The following NRXN1 variants were observed in gnomAD, a reference collection of about 807,000 sequenced individuals.
NRXN1 encodes neurexin-1.
NRXN1 carries 39 observed loss-of-function variants against 150.9 expected under a neutral mutation model. That is an observed-to-expected ratio of 0.26 (90% CI 0.20 to 0.34). The LOEUF (loss-of-function observed/expected upper bound fraction) is 0.34, where lower values mean the gene tolerates loss of function less well. Among genes scored for constraint, NRXN1 ranks in the 10% least tolerant of loss-of-function variants. The pLI, the probability that NRXN1 is intolerant of heterozygous loss-of-function variation, is 1.00. For missense variants in NRXN1, 1,815 were observed against 1,949.9 expected, an observed-to-expected ratio of 0.93 and a Z score of 1.30; for synonymous variants, 924 against 757.0, an observed-to-expected ratio of 1.22 and a Z score of -3.62.
intron 2 of NRXN1, among the ~76,000 whole-genome samples, chr2:50,959,715 CTTTAA>C (rs1692846824): frequency 6.6e-6 from 1 of 152,012 alleles, no homozygotes; most frequent in African/African-American, 2.4e-5. Context: ...GAATTGTACA[CTTTAA>C]TTTTATGGCA....
chr2:50,310,064 G>A (rs909496713), intron 17 of NRXN1, among the ~76,000 whole-genome samples: 4 of 152,152 alleles, frequency 2.6e-5, no homozygotes, highest in Non-Finnish European at 4.4e-5. Flanking sequence ...AAAACGACAT[G>A]CCTCTGGCTT....
intron 5 of NRXN1, chr2:50,656,530 C>T (rs1005791390): frequency 6.8e-6 from 4 of 588,786 alleles, no homozygotes; most frequent in Non-Finnish European, 1.2e-5. Flanking sequence ...AATTTATCCC[C>T]TAAATAATAT....
At chr2:50,466,458 T>G (rs1316020155) in intron 16 of NRXN1, 2 of 474,634 alleles carry the variant, frequency 4.2e-6, no homozygotes, top group Admixed American at 4.6e-5. Context: ...CAGGGCTATC[T>G]ACCTTGCAAG....
At chr2:50,195,613 G>C (rs866981830) in intron 18 of NRXN1, among the ~76,000 whole-genome samples, 2 of 152,004 alleles carry the variant, frequency 1.3e-5, no homozygotes, top group African/African-American at 4.8e-5. Context: ...TTCTCCACTG[G>C]CATTGCTTTT....
intron 2 of NRXN1, among the ~76,000 whole-genome samples, chr2:50,931,132 T>C (rs1025556925): frequency 2.0e-5 from 3 of 152,158 alleles, no homozygotes; most frequent in Non-Finnish European, 4.4e-5. Flanking sequence ...TTTGCTATCA[T>C]TAAGATGAAA....
chr2:50,078,651 C>A (rs1403036548), intron 19 of NRXN1, among the ~76,000 whole-genome samples: 5 of 152,002 alleles, frequency 3.3e-5, no homozygotes, highest in African/African-American at 1.2e-4. Flanking sequence ...GTAGTTAACA[C>A]TTTTGAAGAA....
chr2:49,949,827 G>A (rs1421594), intron 21 of NRXN1, among the ~76,000 whole-genome samples: 62,171 of 151,392 alleles, frequency 0.41, 13,155 homozygotes, highest in South Asian at 0.52. Flanking sequence ...GGACAGTGCT[G>A]GCTGAAATAT....
intron 16 of NRXN1, among the ~76,000 whole-genome samples, chr2:50,469,194 TG>T (rs1333229139): frequency 6.6e-6 from 1 of 151,600 alleles, no homozygotes; most frequent in Admixed American, 6.6e-5. Flanking sequence ...TCTAGTGATT[TG>T]GGTTTTAATG....
intron 18 of NRXN1, among the ~76,000 whole-genome samples, chr2:50,231,983 G>T (rs952366390): frequency 6.6e-6 from 1 of 152,096 alleles, no homozygotes; most frequent in Non-Finnish European, 1.5e-5. Flanking sequence ...ACACTTCACA[G>T]TTTGCAAGTT....
In NRXN1 at chr2:51,026,470, C is replaced by T. The variant is rs771759988; in HGVS notation, c.772+1032G>A. 22 of 1,589,566 alleles carry T rather than the reference C, an allele frequency of 1.4e-5. No homozygotes were observed. Among genetic ancestry groups the T allele is most frequent in the East Asian group, 4.5e-5 (2 of 44,502 alleles). ...ACACACTGAAGACCGAATTTTATTT[C>T]TAAAGAGGAGAAAAGAGAACTTAGG... On this transcript the variant is annotated intron_variant, in intron 2 of 22. Transcript: ENST00000401669.
intron 12 of NRXN1, among the ~76,000 whole-genome samples, chr2:50,521,898 A>T (rs1353422353): frequency 6.6e-6 from 1 of 152,164 alleles, no homozygotes; most frequent in South Asian, 2.1e-4. Context: ...TGAGTAGCTT[A>T]TGGGGCGACC....
chr2:50,866,765 A>T (rs920992641), intron 5 of NRXN1, among the ~76,000 whole-genome samples: 16 of 151,982 alleles, frequency 1.1e-4, no homozygotes, highest in African/African-American at 3.6e-4. Flanking sequence ...TCAGAGAATG[A>T]GGCCAATTCA....
At chr2:50,983,144 C>A (rs1697114219) in intron 2 of NRXN1, among the ~76,000 whole-genome samples, 1 of 151,876 alleles carries the variant, frequency 6.6e-6, no homozygotes, top group South Asian at 2.1e-4. Context: ...AATTATTAGT[C>A]TAGATATAGT....
chr2:49,919,587 T>C lies in NRXN1; in HGVS notation c.*2357A>G, dbSNP rs1464871405. 6.6e-6 allele frequency: 1 copy of C among 151,546 alleles called. No individual in the cohort carries two copies. Among genetic ancestry groups the C allele is most frequent in the Non-Finnish European group, 1.5e-5 (1 of 67,842 alleles). The allele number at this position is 151,546 out of a possible 1,614,324, so 9.4% of individuals were successfully genotyped here. On this transcript the variant is annotated 3_prime_UTR_variant, in exon 23 of 23. Coordinates refer to ENST00000401669, the MANE Select transcript of NRXN1 (RefSeq NM_001330078.2). ...AAAAAAAAACCCTTCAAGCTGTAAATTAGTAGTTTTACACTTCCCTTCTTA... is the reference window on the plus strand; with the variant it reads ...AAAAAAAAACCCTTCAAGCTGTAAACTAGTAGTTTTACACTTCCCTTCTTA...
intron 17 of NRXN1, among the ~76,000 whole-genome samples, chr2:50,410,388 G>C (rs145601916): frequency 8.5e-5 from 13 of 152,284 alleles, no homozygotes; most frequent in Admixed American, 3.3e-4. Flanking sequence ...TACCACCTAT[G>C]ATGAGCTACT....
chr2:50,041,940 C>T (rs1691038640), intron 21 of NRXN1, among the ~76,000 whole-genome samples: 1 of 152,154 alleles, frequency 6.6e-6, no homozygotes, highest in Non-Finnish European at 1.5e-5. Flanking sequence ...GGGCCCGTCT[C>T]TTTTCCTTTT....
chr2:50,739,044 T>C (rs1036141063), intron 5 of NRXN1, among the ~76,000 whole-genome samples: 5 of 152,144 alleles, frequency 3.3e-5, no homozygotes, highest in Non-Finnish European at 5.9e-5. Context: ...TTCTAAACTC[T>C]CAGCAGGAAT....
chr2:50,418,716 AC>A (rs2083742514), intron 17 of NRXN1, among the ~76,000 whole-genome samples: 1 of 152,082 alleles, frequency 6.6e-6, no homozygotes, highest in South Asian at 2.1e-4. Flanking sequence ...ATATTTTCAC[AC>A]CATTATCAAT....
intron 18 of NRXN1, among the ~76,000 whole-genome samples, chr2:50,217,412 T>A (rs933955368): frequency 1.3e-5 from 2 of 151,946 alleles, no homozygotes; most frequent in Non-Finnish European, 2.9e-5. Context: ...CCATTGACAG[T>A]TGAGAAACTA....
Sources: allele counts gnomAD v4.1 joint callset (sites outside exome capture counted in the v4.1 genomes callset), GRCh38; gene constraint gnomAD v4.1.1; transcripts MANE v1.5; gene names NCBI Gene and HGNC (gene_info 2026-07-23, HGNC 2026-07-21).